AURKA: variants seen among roughly 807,000 people sequenced by gnomAD.
The protein encoded by AURKA is aurora kinase A, also known as aurora 2.
A neutral mutation model predicts 40.9 loss-of-function variants in AURKA; 12 were observed. The ratio of observed to expected loss-of-function variants is 0.29; its 90% CI spans 0.19 to 0.48. The LOEUF (loss-of-function observed/expected upper bound fraction) is 0.48, where lower values mean the gene tolerates loss of function less well. Ranked by LOEUF, AURKA falls within the 20% of genes least tolerant of loss-of-function variation. The pLI, the probability that AURKA is intolerant of heterozygous loss-of-function variation, is 0.99. For missense variants in AURKA, 322 were observed against 462.1 expected, an observed-to-expected ratio of 0.70 and a Z score of 2.78; for synonymous variants, 170 against 164.3, an observed-to-expected ratio of 1.03 and a Z score of -0.26.
At chr20:56,379,190 G>A (rs1045160325) in intron 6 of AURKA, among the ~76,000 whole-genome samples, 2 of 152,222 alleles carry the variant, frequency 1.3e-5, no homozygotes, top group Non-Finnish European at 2.9e-5. Context: ...AAGGCCAAAG[G>A]AAGTGCACAT....
At chr20:56,384,005 G>A (rs1379440976) in intron 4 of AURKA, among the ~76,000 whole-genome samples, 1 of 152,188 alleles carries the variant, frequency 6.6e-6, no homozygotes, top group East Asian at 1.9e-4. Context: ...TAAGGACAGA[G>A]AGGAACTTCC....
Position 56,381,497 on chromosome 20 carries a change from G to A in AURKA, c.641C>T (p.Pro214Leu). ...AAGTTCTCTATAAACTGTTCCAAGTGGTGCATATTCCAGAATTAGGTAGAC... is the reference window on the plus strand; with the variant it reads ...AAGTTCTCTATAAACTGTTCCAAGTAGTGCATATTCCAGAATTAGGTAGAC... ...TRVYLILEYA[P>L]LGTVYRELQK... Residue 214 changes from proline to leucine, a missense_variant, in exon 6 of 9, where the codon CCA becomes CTA. Physicochemically the swap from Pro to Leu is moderately conservative, Grantham distance 98. Transcript: ENST00000395915. 6.2e-7 allele frequency: 1 copy of A among 1,613,846 alleles called. No homozygotes were observed. The highest frequency in any genetic ancestry group is 8.5e-7 in the Non-Finnish European group (1 of 1,179,886).
At chr20:56,374,243 C>T (rs765789325) in intron 6 of AURKA, among the ~76,000 whole-genome samples, 3 of 152,198 alleles carry the variant, frequency 2.0e-5, no homozygotes, top group East Asian at 1.9e-4. Flanking sequence ...CAACACCATA[C>T]GGCAACAAAT....
At chr20:56,375,540 T>C (rs1984824624) in intron 6 of AURKA, among the ~76,000 whole-genome samples, 1 of 151,984 alleles carries the variant, frequency 6.6e-6, no homozygotes, top group African/African-American at 2.4e-5. Flanking sequence ...TCTACAGCAA[T>C]TTCTAGACAG....
In AURKA at chr20:56,374,473, TA is replaced by T. The variant is rs561358622; in HGVS notation, c.706-918del. 4.0e-3 allele frequency among the ~76,000 whole-genome samples: 608 copies of T among 152,270 alleles called. 2 individuals are homozygous for T. The highest frequency in any genetic ancestry group is 6.1e-3 in the Non-Finnish European group (417 of 68,006). ...CAGGAGAAAAAATTATCCTGAACAA[TA>T]AACAGAAACTAAAAAGCAGTTGCAC... On this transcript the variant is annotated intron_variant, in intron 6 of 8. Coordinates refer to ENST00000395915, the MANE Select transcript of AURKA (RefSeq NM_198437.3).
intron 5 of AURKA, among the ~76,000 whole-genome samples, chr20:56,382,770 G>A (rs1985884115): frequency 6.6e-6 from 1 of 151,812 alleles, no homozygotes; most frequent in South Asian, 2.1e-4. Context: ...GAGCATGGGA[G>A]AATCACAGGA....
intron 1 of AURKA, chr20:56,390,433 G>T (rs1446450519): frequency 2.0e-5 from 3 of 151,856 alleles, no homozygotes; most frequent in South Asian, 2.1e-4. Flanking sequence ...TCAGCCTCCA[G>T]AGTAGCTGGG....
intron 3 of AURKA, 44 bp from the exon 4 acceptor site, chr20:56,384,368 A>G: frequency 7.0e-7 from 1 of 1,427,946 alleles, no homozygotes. Context: ...ATAACTATAT[A>G]GGATAAGCTA....
intron 6 of AURKA, among the ~76,000 whole-genome samples, chr20:56,380,360 G>GAAA (rs58953054): frequency 1.7e-5 from 2 of 120,000 alleles, no homozygotes. Context: ...GTCTCAAAAA[G>GAAA]AAAAAAAAAA....
intron 6 of AURKA, among the ~76,000 whole-genome samples, chr20:56,380,021 C>A (rs552625392): frequency 1.3e-5 from 2 of 148,624 alleles, no homozygotes; most frequent in Non-Finnish European, 3.0e-5. Flanking sequence ...ACCACACACA[C>A]GCAAGACAAA....
intron 1 of AURKA, among the ~76,000 whole-genome samples, chr20:56,390,137 G>A (rs1210719546): frequency 1.3e-5 from 2 of 152,096 alleles, no homozygotes; most frequent in Non-Finnish European, 2.9e-5. Context: ...CACAGAACAT[G>A]GACCCTAACT....
rs763666241 is a variant in AURKA, at chr20:56,373,582, T to C, written c.706-26A>G. ...CTGTTAAAACAATATTGAAAGCCTA[T>C]GTTTTAGATTTTATATAACACAAGT... On this transcript the variant is annotated intron_variant, in intron 6 of 8. Transcript: ENST00000395915. The surrounding 1 kb of genome is among the most constrained non-coding windows in gnomAD (Gnocchi z 5.0). 1.4e-5 allele frequency: 23 copies of C among 1,610,882 alleles called. 1 individual carries two copies. The South Asian group carries it at 2.3e-4, about 16-fold the overall frequency.
intron 6 of AURKA, among the ~76,000 whole-genome samples, chr20:56,380,078 C>T (rs967442782): frequency 2.6e-5 from 4 of 151,780 alleles, no homozygotes; most frequent in Non-Finnish European, 4.4e-5. Context: ...AAGAGCAGGC[C>T]GGGCACGGTG....
intron 3 of AURKA, among the ~76,000 whole-genome samples, 167 bp from the exon 4 acceptor site, chr20:56,384,491 C>T (rs558143236): frequency 9.2e-5 from 14 of 151,764 alleles, no homozygotes; most frequent in African/African-American, 3.1e-4. Flanking sequence ...AAAAGGACTA[C>T]TACACCCTGA....
chr20:56,374,474 A>G (rs1252179275), intron 6 of AURKA, among the ~76,000 whole-genome samples: 1 of 151,048 alleles, frequency 6.6e-6, no homozygotes, highest in Non-Finnish European at 1.5e-5. Flanking sequence ...CCTGAACAAT[A>G]AACAGAAACT....
chr20:56,376,429 A>C (rs1253918779), intron 6 of AURKA, among the ~76,000 whole-genome samples: 1 of 152,240 alleles, frequency 6.6e-6, no homozygotes, highest in Non-Finnish European at 1.5e-5. Context: ...ATTTAAGATT[A>C]AGTCTTTAAA....
chr20:56,383,936 C>T (rs1464131747), intron 4 of AURKA, among the ~76,000 whole-genome samples: 1 of 152,154 alleles, frequency 6.6e-6, no homozygotes, highest in African/African-American at 2.4e-5. Context: ...TTTTTAAAAA[C>T]TTGCACTTTT....
chr20:56,377,207 G>A (rs746816212), intron 6 of AURKA, among the ~76,000 whole-genome samples: 16 of 152,138 alleles, frequency 1.1e-4, no homozygotes, highest in Non-Finnish European at 2.2e-4. Flanking sequence ...AGCTCAACAG[G>A]CAGAGGCTGC....
chr20:56,381,945 C>T (rs1600697510), intron 5 of AURKA, among the ~76,000 whole-genome samples: 1 of 152,004 alleles, frequency 6.6e-6, no homozygotes, highest in Non-Finnish European at 1.5e-5. Context: ...GCGGGAGGAT[C>T]GCGAGGTCAG....
Sources: allele counts gnomAD v4.1 joint callset (sites outside exome capture counted in the v4.1 genomes callset), GRCh38; gene constraint gnomAD v4.1.1; non-coding constraint Gnocchi (gnomAD v3.1); transcripts MANE v1.5; gene names NCBI Gene and HGNC (gene_info 2026-07-23, HGNC 2026-07-21).